RANBP2: variants seen among roughly 807,000 people sequenced by gnomAD.
RANBP2 encodes RAN binding protein 2.
A neutral mutation model predicts 303.6 loss-of-function variants in RANBP2; 57 were observed. The ratio of observed to expected loss-of-function variants is 0.19; its 90% CI spans 0.15 to 0.23. The LOEUF (loss-of-function observed/expected upper bound fraction) is 0.23. RANBP2 is among the 10% of genes least tolerant of loss of function. The pLI is 1.00. For missense variants in RANBP2, 3,138 were observed against 3,780.8 expected (o/e 0.83, Z 4.46); for synonymous variants, 1,167 against 1,301.5 (o/e 0.90, Z 2.23).
At chr2:109,229,392 G>C in the RANBP2 span, among the ~76,000 whole-genome samples, 1 of 152,102 alleles carries the variant, frequency 6.6e-6, no homozygotes, top group Non-Finnish European at 1.5e-5. Flanking sequence ...GTTTTTTCCT[G>C]CCATCCTTTT....
At chr2:108,778,398 C>A (rs1254086375) in intron 25 of RANBP2, among the ~76,000 whole-genome samples, 1 of 152,182 alleles carries the variant, frequency 6.6e-6, no homozygotes, top group African/African-American at 2.4e-5. Context: ...GCCTTGCAGT[C>A]AGTTTTGTTT....
At chr2:108,929,091 C>T in the RANBP2 span, 48 of 1,314,426 alleles carry the variant, frequency 3.7e-5, no homozygotes, top group East Asian at 6.3e-4. Context: ...GCGGCTGCAC[C>T]GAGGCCTGCA....
chr2:109,614,717 C>G, the RANBP2 span: 3 of 1,488,956 alleles, frequency 2.0e-6, no homozygotes, highest in Middle Eastern at 3.6e-4. Context: ...GCGCCAAGTA[C>G]GTGCACCTCA....
At chr2:109,680,788 A>T in the RANBP2 span, among the ~76,000 whole-genome samples, 1 of 152,192 alleles carries the variant, frequency 6.6e-6, no homozygotes, top group African/African-American at 2.4e-5. Context: ...TTAATAGAGA[A>T]GTAGGACTGT....
chr2:108,754,302 G>A (rs1676132502), intron 15 of RANBP2, among the ~76,000 whole-genome samples: 1 of 151,344 alleles, frequency 6.6e-6, no homozygotes, highest in Non-Finnish European at 1.5e-5. Context: ...AATGAACTTT[G>A]CTGAAATTGA....
the RANBP2 span, among the ~76,000 whole-genome samples, chr2:108,990,317 G>A: frequency 6.6e-6 from 1 of 151,542 alleles, no homozygotes; most frequent in African/African-American, 2.4e-5. Context: ...TGTAGTCCCA[G>A]CTACTCGGGA....
the RANBP2 span, among the ~76,000 whole-genome samples, chr2:109,229,320 C>A: frequency 2.7e-3 from 413 of 152,322 alleles, 4 homozygotes; most frequent in African/African-American, 9.6e-3. Flanking sequence ...GTTGTTAACA[C>A]CTTACATTAG....
intron 12 of RANBP2, among the ~76,000 whole-genome samples, chr2:108,752,460 T>C (rs1675962693): frequency 6.6e-6 from 1 of 151,914 alleles, no homozygotes; most frequent in Middle Eastern, 3.4e-3. Context: ...TAGGATGGTA[T>C]CATTAGAAGC....
the RANBP2 span, among the ~76,000 whole-genome samples, chr2:109,670,500 A>C: frequency 6.6e-6 from 1 of 152,076 alleles, no homozygotes; most frequent in Admixed American, 6.5e-5. Context: ...ATTGGGGGCT[A>C]TGAGGATTAA....
chr2:108,919,132 G>T, the RANBP2 span, among the ~76,000 whole-genome samples: 1 of 152,148 alleles, frequency 6.6e-6, no homozygotes, highest in African/African-American at 2.4e-5. Context: ...GCCGGTGTCT[G>T]GGAGGCTGGG....
chr2:109,331,702 C>A, the RANBP2 span, among the ~76,000 whole-genome samples: 1 of 151,240 alleles, frequency 6.6e-6, no homozygotes, highest in Non-Finnish European at 1.5e-5. Flanking sequence ...TTTCTATTTT[C>A]TTTATCTATT....
chr2:109,236,463 G>A, the RANBP2 span, among the ~76,000 whole-genome samples: 1 of 152,172 alleles, frequency 6.6e-6, no homozygotes, highest in Non-Finnish European at 1.5e-5. Flanking sequence ...GCTGTGAGCC[G>A]TGTTTTTTAG....
the RANBP2 span, among the ~76,000 whole-genome samples, chr2:108,984,338 GAAC>G: frequency 6.6e-6 from 1 of 152,280 alleles, no homozygotes; most frequent in South Asian, 2.1e-4. Context: ...GACTGTCCCA[GAAC>G]AACACAGGGC....
At chr2:108,720,922 G>T (rs1398613475) in intron 1 of RANBP2, among the ~76,000 whole-genome samples, 2 of 152,122 alleles carry the variant, frequency 1.3e-5, no homozygotes, top group Non-Finnish European at 2.9e-5. Flanking sequence ...GGTGGCGCAT[G>T]CCTGTAGTCC....
chr2:108,780,972 G>C (rs747764266), intron 25 of RANBP2, among the ~76,000 whole-genome samples: 10 of 152,012 alleles, frequency 6.6e-5, no homozygotes, highest in Non-Finnish European at 1.5e-4. Context: ...GCCTCACAAA[G>C]TGCTGGGATT....
chr2:109,327,038 T>C, the RANBP2 span, among the ~76,000 whole-genome samples: 1 of 152,262 alleles, frequency 6.6e-6, no homozygotes, highest in Admixed American at 6.5e-5. Flanking sequence ...TCGTATTTAA[T>C]GTCTTTTGAT....
At chr2:108,819,293 G>A in the RANBP2 span, among the ~76,000 whole-genome samples, 7 of 152,138 alleles carry the variant, frequency 4.6e-5, no homozygotes, top group Non-Finnish European at 7.3e-5. Flanking sequence ...CCGGTATAGC[G>A]CAGTGCAACC....
chr2:109,209,913 C>A, the RANBP2 span, among the ~76,000 whole-genome samples: 2 of 152,092 alleles, frequency 1.3e-5, no homozygotes, highest in African/African-American at 2.4e-5. Context: ...GTTTTGTAAC[C>A]ACTGCCACTA....
At chr2:108,742,512 G>A (rs1696193889) in intron 7 of RANBP2, among the ~76,000 whole-genome samples, 3 of 151,784 alleles carry the variant, frequency 2.0e-5, no homozygotes, top group African/African-American at 4.8e-5. Flanking sequence ...CACCATGTTA[G>A]CCAGGATGGT....
Sources: allele counts gnomAD v4.1 joint callset (sites outside exome capture counted in the v4.1 genomes callset), GRCh38; gene constraint gnomAD v4.1.1; transcripts MANE v1.5; gene names NCBI Gene and HGNC (gene_info 2026-07-23, HGNC 2026-07-21).